Variants in ENTPD5 observed in about 807,000 individuals in gnomAD.
ENTPD5 encodes nucleoside diphosphate phosphatase ENTPD5.
ENTPD5 carries 49 observed loss-of-function variants against 60.2 expected under a neutral mutation model. The ratio of observed to expected loss-of-function variants is 0.81; its 90% CI spans 0.65 to 1.03. The LOEUF (loss-of-function observed/expected upper bound fraction) is 1.03, where lower values mean the gene tolerates loss of function less well. Among genes scored for constraint, ENTPD5 ranks in the 50% least tolerant of loss-of-function variants. ENTPD5 has a pLI of 0.00. For missense variants in ENTPD5, 480 were observed against 507.6 expected (o/e 0.95, Z 0.52); for synonymous variants, 187 against 185.4 (o/e 1.01, Z -0.07).
chr14:73,987,038 A>G (rs1383844323), intron 4 of ENTPD5, 145 bp from the exon 5 acceptor site: 2 of 734,384 alleles, frequency 2.7e-6, no homozygotes, highest in African/African-American at 3.5e-5. Flanking sequence ...AATGTCTTGC[A>G]GGAGTACTGG....
downstream of ENTPD5, chr14:73,961,515 T>C: frequency 6.2e-7 from 1 of 1,614,206 alleles, no homozygotes; most frequent in South Asian, 1.1e-5. Flanking sequence ...GCTTTGGGGA[T>C]ATCTCCAGCT....
chr14:73,981,664 G>A (rs571365654), intron 6 of ENTPD5, among the ~76,000 whole-genome samples: 10 of 151,076 alleles, frequency 6.6e-5, no homozygotes, highest in South Asian at 2.1e-4. Flanking sequence ...AAAATTAGCC[G>A]GGTGTGGTGG....
At position 73,988,145 on chromosome 14, in the gene ENTPD5, A is replaced by G; in HGVS notation, c.-43T>C. The G allele has an allele frequency of 6.4e-7, 1 of 1,573,060 alleles. No individual in the cohort carries two copies. The highest frequency in any genetic ancestry group is 8.6e-7 in the Non-Finnish European group (1 of 1,158,940). On this transcript the variant is annotated 5_prime_UTR_variant, in exon 4 of 16. Coordinates refer to ENST00000334696, the MANE Select transcript of ENTPD5 (RefSeq NM_001249.5). ...GCTGGGTGGAGGCTTTTGTTGCAGA[A>G]GCAATCCTGCTCGCACACCTGCAGA...
intron 2 of ENTPD5, among the ~76,000 whole-genome samples, chr14:74,014,203 G>A (rs971636474): frequency 3.9e-5 from 6 of 152,200 alleles, no homozygotes; most frequent in African/African-American, 1.4e-4. Context: ...GGAAGCTGAA[G>A]TAGGAGGATC....
At chr14:73,960,057 G>A, downstream of ENTPD5, 2 of 1,003,198 alleles carry the variant, frequency 2.0e-6, no homozygotes, top group Non-Finnish European at 2.4e-6. Context: ...CAGCTGCCTG[G>A]GTGGTGGTTA....
rs2056957426 is a variant in ENTPD5 at position 73,965,984 on chromosome 14, C to T, written c.*944G>A. The stretch of plus-strand genomic sequence containing the variant: ...GGACCAGGACAGGAAGGTACTGTTA[C>T]AAACGGAGAGAATAAAAGGGCAAAC... On this transcript the variant is annotated 3_prime_UTR_variant, in exon 16 of 16. Transcript: ENST00000334696. The T allele has an allele frequency of 6.6e-6, 1 of 152,166 alleles. No individual in the cohort carries two copies. The allele number at this position is 152,166 out of a possible 1,614,324, so 9.4% of individuals were successfully genotyped here. A position where few individuals can be genotyped will look rare whatever the true frequency, so the allele number is the denominator to read the frequency against.
intron 15 of ENTPD5, among the ~76,000 whole-genome samples, chr14:73,967,902 A>T (rs1321324004): frequency 6.6e-6 from 1 of 151,964 alleles, no homozygotes; most frequent in Non-Finnish European, 1.5e-5. Context: ...AGGCGGGTGG[A>T]TCACCTGAGA....
intron 3 of ENTPD5, among the ~76,000 whole-genome samples, chr14:74,008,177 G>T (rs1177378008): frequency 2.6e-5 from 4 of 151,714 alleles, no homozygotes; most frequent in Non-Finnish European, 5.9e-5. Context: ...TTAGATCATT[G>T]TCAAAGACTT....
intron 4 of ENTPD5, among the ~76,000 whole-genome samples, chr14:73,987,634 C>A (rs2057956715): frequency 6.6e-6 from 1 of 151,924 alleles, no homozygotes; most frequent in Non-Finnish European, 1.5e-5. Context: ...CATCATGCCA[C>A]TGCACTACAG....
intron 6 of ENTPD5, among the ~76,000 whole-genome samples, chr14:73,980,868 C>T (rs1442419395): frequency 5.3e-5 from 8 of 152,092 alleles, no homozygotes; most frequent in Non-Finnish European, 7.4e-5. Context: ...GAGGCTGAGG[C>T]GGGCAGATCA....
downstream of ENTPD5, chr14:73,960,676 T>A: frequency 2.5e-6 from 2 of 805,658 alleles, no homozygotes; most frequent in Non-Finnish European, 3.1e-6. Context: ...CATAGTCAAG[T>A]AAGGAAGACC....
At chr14:73,967,799 C>CA (rs33926682) in intron 15 of ENTPD5, among the ~76,000 whole-genome samples, 102 of 97,782 alleles carry the variant, frequency 1.0e-3, no homozygotes, top group African/African-American at 1.3e-3. Context: ...GACCCTGTCT[C>CA]AAAAAAAAAA....
chr14:73,970,877 G>C (rs2057193062), intron 14 of ENTPD5, among the ~76,000 whole-genome samples: 1 of 151,662 alleles, frequency 6.6e-6, no homozygotes, highest in Non-Finnish European at 1.5e-5. Context: ...CCAGGGTGGA[G>C]TGCAGTGGCA....
At chr14:73,996,066 G>T in intron 3 of ENTPD5, 1 of 858,016 alleles carries the variant, frequency 1.2e-6, no homozygotes, top group Non-Finnish European at 1.4e-6. Flanking sequence ...AAGCCTGAGA[G>T]ACCACAATCC....
intron 3 of ENTPD5, among the ~76,000 whole-genome samples, chr14:73,991,097 T>C (rs1206476186): frequency 6.6e-6 from 1 of 152,188 alleles, no homozygotes; most frequent in Non-Finnish European, 1.5e-5. Context: ...TACTTCACAG[T>C]TGCTTTACTA....
intron 3 of ENTPD5, among the ~76,000 whole-genome samples, chr14:74,006,331 A>T (rs1211610714): frequency 1.4e-5 from 2 of 142,764 alleles, no homozygotes; most frequent in African/African-American, 2.6e-5. Context: ...CTGCCCAGGC[A>T]GGAGTGCAGT....
At chr14:74,002,924 C>G (rs61091897) in intron 3 of ENTPD5, among the ~76,000 whole-genome samples, 9,326 of 152,262 alleles carry the variant, frequency 0.061, 388 homozygotes, top group Middle Eastern at 0.12. Context: ...TTACTCTCCC[C>G]CAACACTGAC....
chr14:73,977,736 G>C (rs17782334), intron 6 of ENTPD5, among the ~76,000 whole-genome samples: 3,313 of 152,228 alleles, frequency 0.022, 58 homozygotes, highest in Non-Finnish European at 0.03. Context: ...TGGAAACTAG[G>C]AGGAGCCTTC....
chr14:74,002,419 T>C (rs2058540308), intron 3 of ENTPD5, among the ~76,000 whole-genome samples: 1 of 152,082 alleles, frequency 6.6e-6, no homozygotes, highest in Non-Finnish European at 1.5e-5. Flanking sequence ...CCTTCTTACA[T>C]AAAATCAAGA....
Sources: gnomAD v4.1 joint callset for allele counts (sites outside exome capture counted in the v4.1 genomes callset) on GRCh38, gnomAD v4.1.1 for gene constraint, MANE v1.5 for transcripts, NCBI Gene and HGNC (gene_info 2026-07-23, HGNC 2026-07-21) for gene names.